DCT: variants seen among roughly 807,000 people sequenced by gnomAD.
The protein encoded by DCT is L-dopachrome tautomerase.
In DCT, 47 loss-of-function variants were observed where a neutral mutation model predicts 53.0. The observed-to-expected ratio is 0.89, with a 90% CI of 0.70 to 1.13. The LOEUF (loss-of-function observed/expected upper bound fraction) is 1.13, where lower values mean the gene tolerates loss of function less well. Among genes scored for constraint, DCT ranks in the 50% most tolerant of loss-of-function variants. The pLI is 0.00. For missense variants in DCT, 669 were observed against 637.4 expected (o/e 1.05, Z -0.53); for synonymous variants, 244 against 237.0 (o/e 1.03, Z -0.27).
At chr13:94,481,319 A>G (rs7320009), upstream of DCT, among the ~76,000 whole-genome samples, 22,411 of 152,238 alleles carry the variant, frequency 0.15, 1,762 homozygotes, top group South Asian at 0.2. Flanking sequence ...GGAAGTCACC[A>G]TTCAACCTAA....
intron 4 of DCT, among the ~76,000 whole-genome samples, chr13:94,464,407 A>G (rs890641448): frequency 6.6e-6 from 1 of 152,210 alleles, no homozygotes; most frequent in Non-Finnish European, 1.5e-5. Flanking sequence ...TGGGAGGCCA[A>G]GGCAGGCAGA....
At chr13:94,498,693 G>A in the DCT span, among the ~76,000 whole-genome samples, 2 of 152,212 alleles carry the variant, frequency 1.3e-5, no homozygotes, top group African/African-American at 4.8e-5. Context: ...TTTGAGAGGT[G>A]AAGCCAACTG....
the DCT span, among the ~76,000 whole-genome samples, chr13:94,529,021 C>T: frequency 6.6e-6 from 1 of 152,158 alleles, no homozygotes; most frequent in Non-Finnish European, 1.5e-5. Flanking sequence ...TTTAAACCAA[C>T]AAACATCAAA....
the DCT span, among the ~76,000 whole-genome samples, chr13:94,522,888 G>A: frequency 6.6e-6 from 1 of 152,180 alleles, no homozygotes; most frequent in South Asian, 2.1e-4. Context: ...TGTTTTTCCT[G>A]GTACAGTCAA....
At chr13:94,524,341 T>C in the DCT span, among the ~76,000 whole-genome samples, 1 of 152,234 alleles carries the variant, frequency 6.6e-6, no homozygotes, top group African/African-American at 2.4e-5. Context: ...TACCGCCTTA[T>C]GTCTGCTCAG....
At chr13:94,471,137 G>A (rs1884621790) in intron 1 of DCT, among the ~76,000 whole-genome samples, 1 of 152,120 alleles carries the variant, frequency 6.6e-6, no homozygotes, top group East Asian at 1.9e-4. Context: ...TCAAGGAAAG[G>A]AAAATTTTCC....
the DCT span, among the ~76,000 whole-genome samples, chr13:94,538,836 A>C: frequency 6.6e-6 from 1 of 152,178 alleles, no homozygotes; most frequent in African/African-American, 2.4e-5. Context: ...TAAGCTACTC[A>C]GCTGCTTCTC....
chr13:94,455,516 G>A (rs1202801877), intron 6 of DCT, among the ~76,000 whole-genome samples: 1 of 152,108 alleles, frequency 6.6e-6, no homozygotes, highest in Non-Finnish European at 1.5e-5. Context: ...CCTACAACCT[G>A]TTTTTGTAAA....
chr13:94,464,007 C>A (rs1168922433), intron 4 of DCT, among the ~76,000 whole-genome samples: 1 of 152,194 alleles, frequency 6.6e-6, no homozygotes, highest in Non-Finnish European at 1.5e-5. Flanking sequence ...TTAAACTCAG[C>A]CTTCTCTAAA....
chr13:94,545,456 A>T, the DCT span, among the ~76,000 whole-genome samples: 2 of 152,166 alleles, frequency 1.3e-5, no homozygotes, highest in Admixed American at 6.5e-5. Flanking sequence ...ATGACCAGGA[A>T]TTGATTAATA....
At chr13:94,490,632 G>A in the DCT span, among the ~76,000 whole-genome samples, 3 of 149,760 alleles carry the variant, frequency 2.0e-5, no homozygotes, top group Admixed American at 6.7e-5. Context: ...CATGGACCAC[G>A]TGTGCATGCA....
rs180849693 is a variant in DCT, at chr13:94,445,479, C to T, written c.1180-1842G>A. On this transcript the variant is annotated intron_variant, in intron 6 of 7. Coordinates refer to ENST00000377028, the MANE Select transcript of DCT (RefSeq NM_001922.5). ...AGATTTCAGGAAGAAAAACAGATAG[C>T]GGGCCAGTCCACAGCTGTTCCAACA... is the stretch of plus-strand genomic sequence containing the variant. Among the ~76,000 whole-genome samples, 10 of 152,280 alleles carry T rather than the reference C, an allele frequency of 6.6e-5. No individual in the cohort carries two copies. The East Asian group carries it at 9.7e-4, about 15-fold the overall frequency.
chr13:94,444,574 A>G (rs544066335), intron 6 of DCT: 5 of 332,756 alleles, frequency 1.5e-5, no homozygotes, highest in Non-Finnish European at 3.0e-5. Flanking sequence ...ATTTTGTAAC[A>G]TGATACAAGT....
intron 2 of DCT, 103 bp from the exon 3 acceptor site, chr13:94,466,761 T>C (rs1162551685): frequency 3.4e-6 from 2 of 596,358 alleles, no homozygotes; most frequent in Non-Finnish European, 5.4e-6. Context: ...CCATGATGTT[T>C]TATAGTAGTA....
chr13:94,482,743 C>A (rs530241700), upstream of DCT, among the ~76,000 whole-genome samples: 1 of 152,180 alleles, frequency 6.6e-6, no homozygotes, highest in African/African-American at 2.4e-5. Context: ...TGGCTTTATA[C>A]AAATTAAATG....
chr13:94,495,001 G>T, the DCT span, among the ~76,000 whole-genome samples: 3 of 152,122 alleles, frequency 2.0e-5, no homozygotes, highest in Non-Finnish European at 4.4e-5. Flanking sequence ...TAATAATTCT[G>T]CAACAAACAT....
chr13:94,521,136 G>C, the DCT span, among the ~76,000 whole-genome samples: 2 of 152,270 alleles, frequency 1.3e-5, no homozygotes, highest in South Asian at 2.1e-4. Flanking sequence ...TGCCAGCTTG[G>C]CAACTTACTA....
At position 94,443,470 on chromosome 13, in the gene DCT, G is replaced by T. The variant is rs748079545; in HGVS notation, c.1347C>A (p.Asp449Glu). The T allele has an allele frequency of 4.3e-6, 7 of 1,613,910 alleles. No individual in the cohort carries two copies. Among genetic ancestry groups the T allele is most frequent in the African/African-American group, 1.3e-5 (1 of 74,898 alleles). The change falls in exon 7 of 8, where the codon GAC (aspartate) becomes GAA (glutamate). Residue 449 changes from aspartate (D) to glutamate (E), a missense_variant. By Grantham distance (45) the Asp-to-Glu change is conservative. Coordinates refer to ENST00000377028, the MANE Select transcript of DCT (RefSeq NM_001922.5). ...CGATGGCATAGCTGTAGCCAAGTTG[G>T]TCTGAGGTTAAAAAGAGTTCTTCAT... is the stretch of plus-strand genomic sequence containing the variant. ...VTNEELFLTSDQLGYSYAIDL... is the reference protein window; with the variant it reads ...VTNEELFLTSEQLGYSYAIDL...
chr13:94,525,109 T>A, the DCT span, among the ~76,000 whole-genome samples: 1 of 151,402 alleles, frequency 6.6e-6, no homozygotes, highest in African/African-American at 2.4e-5. Context: ...GATACCTTCT[T>A]TTTTTTTGGA....
Sources: gnomAD v4.1 joint callset for allele counts (sites outside exome capture counted in the v4.1 genomes callset) on GRCh38, gnomAD v4.1.1 for gene constraint, MANE v1.5 for transcripts, NCBI Gene and HGNC (gene_info 2026-07-23, HGNC 2026-07-21) for gene names.